Variants in CFAP61 observed in about 807,000 individuals in gnomAD.
CFAP61 encodes cilia- and flagella-associated protein 61.
In CFAP61, 107 loss-of-function variants were observed where a neutral mutation model predicts 135.6. The observed-to-expected ratio is 0.79, with a 90% CI of 0.67 to 0.93. CFAP61 has a LOEUF of 0.93. Among genes scored for constraint, CFAP61 ranks in the 40% least tolerant of loss-of-function variants. The pLI, the probability that CFAP61 is intolerant of heterozygous loss-of-function variation, is 0.00. For missense variants in CFAP61, 1,507 were observed against 1,556.2 expected (o/e 0.97, Z 0.53); for synonymous variants, 575 against 578.5 (o/e 0.99, Z 0.09).
At chr20:20,083,975 A>G (rs1170667706) in intron 6 of CFAP61, among the ~76,000 whole-genome samples, 1 of 152,194 alleles carries the variant, frequency 6.6e-6, no homozygotes, top group Non-Finnish European at 1.5e-5. Context: ...GAAATGATAG[A>G]TTTGATTTTC....
At chr20:20,322,851 A>G (rs932776252) in intron 25 of CFAP61, 3 of 985,336 alleles carry the variant, frequency 3.0e-6, no homozygotes, top group Non-Finnish European at 3.6e-6. Flanking sequence ...TCTTGCATTA[A>G]TGAAAATCAA....
chr20:20,140,031 C>A, intron 8 of CFAP61, among the ~76,000 whole-genome samples: 1 of 148,782 alleles, frequency 6.7e-6, no homozygotes, highest in South Asian at 2.1e-4. Flanking sequence ...TTCTGCTGAT[C>A]AAAAGTAATC....
At chr20:20,089,204 A>T (rs2047008186) in intron 6 of CFAP61, among the ~76,000 whole-genome samples, 1 of 152,214 alleles carries the variant, frequency 6.6e-6, no homozygotes. Context: ...GGCTTAAGTC[A>T]CTAGACCAGA....
chr20:20,234,777 G>A (rs1227061699), intron 18 of CFAP61, among the ~76,000 whole-genome samples: 1 of 152,078 alleles, frequency 6.6e-6, no homozygotes, highest in East Asian at 1.9e-4. Context: ...GAAGGCGGCA[G>A]GTCAAGGAAG....
intron 13 of CFAP61, chr20:20,171,637 A>C: frequency 2.3e-6 from 1 of 436,452 alleles, no homozygotes; most frequent in East Asian, 3.6e-5. Context: ...TTGAAATTTC[A>C]GTAATTTTAT....
chr20:20,151,903 A>G (rs975593405), intron 9 of CFAP61, among the ~76,000 whole-genome samples: 3 of 151,704 alleles, frequency 2.0e-5, no homozygotes, highest in African/African-American at 4.8e-5. Flanking sequence ...ACCCAGGCAC[A>G]TAGTCATCAG....
At chr20:20,100,322 G>A (rs547656742) in intron 8 of CFAP61, among the ~76,000 whole-genome samples, 3 of 152,042 alleles carry the variant, frequency 2.0e-5, no homozygotes, top group Non-Finnish European at 2.9e-5. Flanking sequence ...ACAGGTGTGC[G>A]CCACCACGCC....
chr20:20,128,164 A>G (rs1032462561), intron 8 of CFAP61, among the ~76,000 whole-genome samples: 1 of 151,762 alleles, frequency 6.6e-6, no homozygotes, highest in African/African-American at 2.4e-5. Context: ...GAGACTGCAC[A>G]CTGGATTCAT....
At chr20:20,088,728 T>A (rs947389967) in intron 6 of CFAP61, among the ~76,000 whole-genome samples, 1 of 152,152 alleles carries the variant, frequency 6.6e-6, no homozygotes, top group Admixed American at 6.5e-5. Flanking sequence ...AGTTGTCATC[T>A]TCTGTGTGTG....
chr20:20,162,931 G>A (rs2053521883), intron 10 of CFAP61, among the ~76,000 whole-genome samples: 1 of 152,146 alleles, frequency 6.6e-6, no homozygotes, highest in South Asian at 2.1e-4. Flanking sequence ...TTTCCTGGGG[G>A]ATAAGATGTG....
chr20:20,355,685 G>A (rs1349225297), intron 26 of CFAP61, among the ~76,000 whole-genome samples: 3 of 141,644 alleles, frequency 2.1e-5, no homozygotes, highest in African/African-American at 2.7e-5. Context: ...AAGGGGAGGT[G>A]GTCACACTGT....
chr20:20,294,270 C>T (rs1368183629), intron 24 of CFAP61, among the ~76,000 whole-genome samples: 1 of 152,216 alleles, frequency 6.6e-6, no homozygotes, highest in South Asian at 2.1e-4. Flanking sequence ...CTGGGCTTCA[C>T]TGGGTTATCC....
intron 2 of CFAP61, chr20:20,069,706 T>G (rs1308344456): frequency 2.2e-6 from 1 of 455,734 alleles, no homozygotes; most frequent in South Asian, 1.6e-5. Flanking sequence ...GGATTAAAAG[T>G]GATTTTCCAA....
At chr20:20,215,875 C>G (rs1268435422) in intron 17 of CFAP61, among the ~76,000 whole-genome samples, 1 of 151,938 alleles carries the variant, frequency 6.6e-6, no homozygotes, top group Non-Finnish European at 1.5e-5. Flanking sequence ...CTGTACTGAA[C>G]CACATTAAAA....
chr20:20,196,744 T>G lies in CFAP61; in HGVS notation c.1765T>G (p.Tyr589Asp), dbSNP rs982613075. The G allele has an allele frequency of 6.2e-7, 1 of 1,614,232 alleles. No homozygotes were observed. The highest frequency in any genetic ancestry group is 1.3e-5 in the African/African-American group (1 of 75,076). ...TTTAGGCTTTAAATCCTGTCTCTAC[T>G]ACCGTGTTTACCCAAAATCCAGAGA... is the stretch of plus-strand genomic sequence containing the variant. ...LRLGFKSCLY[Y>D]RVYPKSREGK... The change falls in exon 16 of 27, where the codon TAC (tyrosine) becomes GAC (aspartate). Residue 589 changes from tyrosine to aspartate, a missense_variant. Transcript: ENST00000245957.
At chr20:20,282,471 T>TTA (rs1293473093) in intron 22 of CFAP61, among the ~76,000 whole-genome samples, 3 of 152,220 alleles carry the variant, frequency 2.0e-5, no homozygotes, top group Non-Finnish European at 4.4e-5. Context: ...AACTCATATG[T>TTA]TAACTTTTAA....
At chr20:20,162,529 CCT>C (rs1488950809) in intron 10 of CFAP61, among the ~76,000 whole-genome samples, 1 of 152,080 alleles carries the variant, frequency 6.6e-6, no homozygotes, top group African/African-American at 2.4e-5. Context: ...TGGAGTTTTG[CCT>C]CTCAAGCATG....
At chr20:20,155,254 C>T (rs1341665411) in intron 9 of CFAP61, among the ~76,000 whole-genome samples, 1 of 152,140 alleles carries the variant, frequency 6.6e-6, no homozygotes, top group Non-Finnish European at 1.5e-5. Flanking sequence ...CCTCATCTCT[C>T]ACCTTATACA....
chr20:20,272,580 C>T (rs1216796558), intron 21 of CFAP61, among the ~76,000 whole-genome samples: 1 of 152,198 alleles, frequency 6.6e-6, no homozygotes, highest in African/African-American at 2.4e-5. Context: ...CATACTGGGA[C>T]ACATAACTGT....
Sources: allele counts gnomAD v4.1 joint callset (sites outside exome capture counted in the v4.1 genomes callset), GRCh38; gene constraint gnomAD v4.1.1; transcripts MANE v1.5; gene names NCBI Gene and HGNC (gene_info 2026-07-23, HGNC 2026-07-21).